Variants in CYP20A1 observed in about 807,000 individuals in gnomAD.
CYP20A1 encodes cytochrome P450 20A1.
Under a neutral mutation model 61.4 loss-of-function variants are expected in CYP20A1, and 61 were observed. The ratio of observed to expected loss-of-function variants is 0.99; its 90% CI spans 0.81 to 1.23. The LOEUF (loss-of-function observed/expected upper bound fraction) is 1.23, where lower values mean the gene tolerates loss of function less well. CYP20A1 is among the 50% of genes most tolerant of loss of function. The probability of loss-of-function intolerance (pLI) is 0.00; values close to 1 mark genes in which losing one functional copy is unlikely to be tolerated. For missense variants in CYP20A1, 530 were observed against 542.4 expected (o/e 0.98, Z 0.23); for synonymous variants, 193 against 188.2 (o/e 1.03, Z -0.21).
intron 4 of CYP20A1, among the ~76,000 whole-genome samples, chr2:203,252,769 A>G (rs77464676): frequency 6.6e-6 from 1 of 151,940 alleles, no homozygotes; most frequent in African/African-American, 2.4e-5. Flanking sequence ...GATTGCCACT[A>G]GTCTTAGTTG....
At position 203,296,487 on chromosome 2, in the gene CYP20A1, C is replaced by T. The variant is rs180687747; in HGVS notation, c.1162C>T (p.Arg388Trp). The T allele has an allele frequency of 6.9e-5, 111 of 1,610,486 alleles. No homozygotes were observed. Among genetic ancestry groups the T allele is most frequent in the Admixed American group, 4.8e-4 (29 of 59,864 alleles). ...TTTTCTTTGTAGGTTTGATCCAGAT[C>T]GGTTTGATGATGAATTAGTAATGAA... ...WPSPHKFDPD[R>W]FDDELVMKTF... Residue 388 changes from arginine to tryptophan, a missense_variant, in exon 12 of 13, where the codon CGG (arginine) becomes TGG (tryptophan). Physicochemically the swap from Arg to Trp is moderately radical, Grantham distance 101. Coordinates refer to ENST00000356079, the MANE Select transcript of CYP20A1 (RefSeq NM_177538.3).
At chr2:203,277,414 T>C (rs1036975536) in intron 6 of CYP20A1, among the ~76,000 whole-genome samples, 3 of 151,988 alleles carry the variant, frequency 2.0e-5, no homozygotes, top group African/African-American at 7.2e-5. Context: ...AGTGATATGA[T>C]AGGTCAAGTA....
At chr2:203,288,342 AGAC>A (rs908981853) in intron 9 of CYP20A1, among the ~76,000 whole-genome samples, 18 of 151,974 alleles carry the variant, frequency 1.2e-4, no homozygotes, top group African/African-American at 4.3e-4. Flanking sequence ...CTGGGATTAC[AGAC>A]ATGTGCCACC....
rs1434488399 is a variant in CYP20A1, at chr2:203,301,248, C to CTTTCT, written c.*4354_*4358dup. On this transcript the variant is annotated 3_prime_UTR_variant, in exon 13 of 13. Coordinates refer to ENST00000356079, the MANE Select transcript of CYP20A1 (RefSeq NM_177538.3). ...AACTTTTTTTCTTTTTCTTTTCTTT[C>CTTTCT]TTTCTTTTCTTTTCTTTTTTTTTTT... Among the ~76,000 whole-genome samples, 3 of 143,680 alleles carry CTTTCT rather than the reference C, an allele frequency of 2.1e-5. No individual in the cohort carries two copies. In the South Asian group the frequency reaches 6.7e-4, roughly 32 times the overall value. The allele number at this position is 143,680 out of a possible 152,430, so 94.3% of individuals were successfully genotyped here. A position where few individuals can be genotyped will look rare whatever the true frequency, so the allele number is the denominator to read the frequency against.
chr2:203,269,014 A>T (rs1360239393), intron 5 of CYP20A1, among the ~76,000 whole-genome samples: 1 of 152,226 alleles, frequency 6.6e-6, no homozygotes, highest in Non-Finnish European at 1.5e-5. Flanking sequence ...GAAAAAACAT[A>T]CATCTTTCCT....
chr2:203,296,702 A>G, intron 12 of CYP20A1, 56 bp from the exon 13 acceptor site: 1 of 1,541,714 alleles, frequency 6.5e-7, no homozygotes, highest in Non-Finnish European at 8.7e-7. Context: ...CAGAACGTGC[A>G]GGTTTAAAGT....
At chr2:203,248,785 G>C (rs999155369) in intron 3 of CYP20A1, among the ~76,000 whole-genome samples, 1 of 152,074 alleles carries the variant, frequency 6.6e-6, no homozygotes, top group Non-Finnish European at 1.5e-5. Flanking sequence ...ATAGCTCTCT[G>C]TATAACCTAC....
chr2:203,291,805 T>A (rs984996316), intron 10 of CYP20A1, among the ~76,000 whole-genome samples: 1 of 152,104 alleles, frequency 6.6e-6, no homozygotes, highest in Non-Finnish European at 1.5e-5. Context: ...ATTAGGTATA[T>A]CTCCTAATGC....
At chr2:203,286,700 G>T (rs538266286) in intron 9 of CYP20A1, among the ~76,000 whole-genome samples, 1 of 152,166 alleles carries the variant, frequency 6.6e-6, no homozygotes, top group Admixed American at 6.6e-5. Flanking sequence ...CTACAAAGGG[G>T]CATGAAGAAA....
intron 6 of CYP20A1, among the ~76,000 whole-genome samples, chr2:203,273,512 A>T (rs1388296815): frequency 2.0e-5 from 3 of 152,214 alleles, no homozygotes; most frequent in Non-Finnish European, 2.9e-5. Flanking sequence ...GGATATTTAT[A>T]AAAAATGGCG....
intron 1 of CYP20A1, among the ~76,000 whole-genome samples, chr2:203,240,010 C>A (rs887974130): frequency 6.6e-6 from 1 of 152,084 alleles, no homozygotes; most frequent in African/African-American, 2.4e-5. Context: ...GCAGGAGAAT[C>A]GCTTGAACCT....
At chr2:203,296,399 C>A in intron 11 of CYP20A1, 75 bp from the exon 12 acceptor site, 1 of 827,830 alleles carries the variant, frequency 1.2e-6, no homozygotes, top group South Asian at 1.7e-5. Context: ...TTGTTACATA[C>A]TTGTGTTCTT....
rs980431057 is a variant in CYP20A1, at chr2:203,241,512, A to G, written c.72+2378A>G. Among the ~76,000 whole-genome samples, 11 of 152,324 alleles carry G rather than the reference A, an allele frequency of 7.2e-5. No homozygotes were observed. In the East Asian group the frequency reaches 1.3e-3, roughly 19 times the overall value. On this transcript the variant is annotated intron_variant, in intron 1 of 12. Transcript: ENST00000356079. ...CTCCAATGTTAATGGTTGAGGAGAG[A>G]AAGAAGAGCCAGCAAAGGAGACTGA...
At chr2:203,282,424 C>T (rs1305196982) in intron 8 of CYP20A1, among the ~76,000 whole-genome samples, 1 of 151,848 alleles carries the variant, frequency 6.6e-6, no homozygotes, top group East Asian at 1.9e-4. Context: ...GCGTGAGCCC[C>T]AGGAGTTTGC....
At chr2:203,277,994 G>A (rs2067892188) in intron 6 of CYP20A1, among the ~76,000 whole-genome samples, 1 of 152,078 alleles carries the variant, frequency 6.6e-6, no homozygotes, top group South Asian at 2.1e-4. Flanking sequence ...CTGGTATTAG[G>A]CCAGGTGCGG....
At chr2:203,260,926 C>T (rs1327054428) in intron 4 of CYP20A1, among the ~76,000 whole-genome samples, 1 of 152,038 alleles carries the variant, frequency 6.6e-6, no homozygotes, top group Non-Finnish European at 1.5e-5. Context: ...TATTTAATGT[C>T]TTTAAGATTC....
intron 5 of CYP20A1, among the ~76,000 whole-genome samples, chr2:203,267,106 G>C (rs2067355515): frequency 6.6e-6 from 1 of 152,012 alleles, no homozygotes; most frequent in Non-Finnish European, 1.5e-5. Flanking sequence ...AGGCTACAGA[G>C]AGCTACCATT....
At chr2:203,277,579 A>G (rs1239637716) in intron 6 of CYP20A1, among the ~76,000 whole-genome samples, 1 of 151,928 alleles carries the variant, frequency 6.6e-6, no homozygotes, top group Non-Finnish European at 1.5e-5. Context: ...GAAGTGGCAC[A>G]ATCTTGGCTC....
chr2:203,296,921 T>C lies in CYP20A1; in HGVS notation c.*13T>C, dbSNP rs753633569. 3.9e-5 allele frequency: 56 copies of C among 1,430,730 alleles called. No individual in the cohort carries two copies. In the East Asian group the frequency reaches 1.3e-3, roughly 33 times the overall value. The allele number at this position is 1,430,730 out of a possible 1,614,324, so 88.6% of individuals were successfully genotyped here. A position where few individuals can be genotyped will look rare whatever the true frequency, so the allele number is the denominator to read the frequency against. On this transcript the variant is annotated 3_prime_UTR_variant, in exon 13 of 13. Transcript: ENST00000356079. ...AAAGAGATATTAAAATTTTATACAT[T>C]TAAAATCATTGTTAAATTGATTGAG...
Sources: gnomAD v4.1 joint callset for allele counts (sites outside exome capture counted in the v4.1 genomes callset) on GRCh38, gnomAD v4.1.1 for gene constraint, MANE v1.5 for transcripts, NCBI Gene and HGNC (gene_info 2026-07-23, HGNC 2026-07-21) for gene names.